The following PPFIA2 variants were observed in gnomAD, a reference collection of about 807,000 sequenced individuals.
The protein encoded by PPFIA2 is PPFI scaffold protein A2.
A neutral mutation model predicts 175.5 loss-of-function variants in PPFIA2; 46 were observed. The ratio of observed to expected loss-of-function variants is 0.26; its 90% confidence interval spans 0.21 to 0.34. The LOEUF is 0.34. Ranked by LOEUF, PPFIA2 falls within the 10% of genes least tolerant of loss-of-function variation. The probability of loss-of-function intolerance (pLI) is 1.00; values close to 1 mark genes in which losing one functional copy is unlikely to be tolerated. For synonymous variants in PPFIA2, 568 were observed against 511.4 expected (o/e 1.11, Z -1.49); for missense variants, 1,179 against 1,506.1 (o/e 0.78, Z 3.60).
intron 4 of PPFIA2, among the ~76,000 whole-genome samples, chr12:81,645,893 A>T (rs1194347374): frequency 6.6e-6 from 1 of 152,226 alleles, no homozygotes; most frequent in Non-Finnish European, 1.5e-5. Flanking sequence ...TCCTGGAGAC[A>T]GGTAGGAAAA....
At chr12:81,737,157 T>C (rs2081692179) in intron 3 of PPFIA2, among the ~76,000 whole-genome samples, 1 of 151,946 alleles carries the variant, frequency 6.6e-6, no homozygotes, top group African/African-American at 2.4e-5. Flanking sequence ...GTTTGGGATC[T>C]AGGGAAAACT....
At chr12:81,675,334 T>C (rs1475776962) in intron 4 of PPFIA2, among the ~76,000 whole-genome samples, 1 of 152,006 alleles carries the variant, frequency 6.6e-6, no homozygotes, top group Non-Finnish European at 1.5e-5. Flanking sequence ...TTCCTTTCTG[T>C]GACCTTTATT....
At chr12:81,285,629 C>T (rs765561887) in intron 24 of PPFIA2, among the ~76,000 whole-genome samples, 10 of 152,002 alleles carry the variant, frequency 6.6e-5, no homozygotes, top group Non-Finnish European at 1.2e-4. Context: ...CTAGTGATAT[C>T]AGAGCCATTA....
At chr12:81,727,938 T>C (rs2080309174) in intron 3 of PPFIA2, among the ~76,000 whole-genome samples, 1 of 151,434 alleles carries the variant, frequency 6.6e-6, no homozygotes, top group Admixed American at 6.6e-5. Flanking sequence ...TATTTCTATT[T>C]CACGGGTTTA....
intron 7 of PPFIA2, among the ~76,000 whole-genome samples, chr12:81,409,743 C>G (rs934955500): frequency 2.0e-5 from 3 of 152,154 alleles, no homozygotes; most frequent in Non-Finnish European, 2.9e-5. Context: ...GGAGGAACCA[C>G]TTATGTACAA....
chr12:81,739,242 C>A (rs573216649), intron 3 of PPFIA2, among the ~76,000 whole-genome samples: 13 of 152,012 alleles, frequency 8.6e-5, no homozygotes, highest in Non-Finnish European at 1.8e-4. Flanking sequence ...TTGACAGTTA[C>A]TAAAACTTAT....
rs185975523 is a variant in PPFIA2, at chr12:81,473,129, C to T, written c.304-15263G>A. 2.7e-3 allele frequency among the ~76,000 whole-genome samples: 405 copies of T among 152,122 alleles called. 1 individual carries two copies. Among genetic ancestry groups the T allele is most frequent in the African/African-American group, 8.5e-3 (352 of 41,524 alleles). ...ATGTACATAAAACTGCATGTAGGGC[C>T]GGGTGCGGTGACTCACGCCTGTAAT... On this transcript the variant is annotated intron_variant, in intron 4 of 32. Coordinates refer to ENST00000549396, the MANE Select transcript of PPFIA2 (RefSeq NM_003625.5).
At position 81,595,488 on chromosome 12, in the gene PPFIA2, G is replaced by A. The variant is rs572853347; in HGVS notation, c.303+81303C>T. Among the ~76,000 whole-genome samples the A allele has an allele frequency of 5.9e-5, 9 of 152,100 alleles. No individual in the cohort carries two copies. The East Asian group carries it at 1.7e-3, about 29-fold the overall frequency. ...GACATACAGTGCAAATTGAGTGCTG[G>A]CATCATCCAGGGTCCAGGCACCTCT... On this transcript the variant is annotated intron_variant, in intron 4 of 32. Transcript: ENST00000549396.
intron 4 of PPFIA2, among the ~76,000 whole-genome samples, chr12:81,587,450 A>G (rs4430586): frequency 0.37 from 56,130 of 151,830 alleles, 10,835 homozygotes; most frequent in Middle Eastern, 0.44. Context: ...TTAATTAAAC[A>G]TCTTTTATTT....
intron 8 of PPFIA2, among the ~76,000 whole-genome samples, chr12:81,392,251 G>T (rs533235399): frequency 6.6e-6 from 1 of 151,942 alleles, no homozygotes; most frequent in Admixed American, 6.6e-5. Context: ...TGTAGTCTTC[G>T]ATTAGAAAGA....
chr12:81,348,133 CT>C (rs1042492668), intron 17 of PPFIA2, among the ~76,000 whole-genome samples: 2 of 152,070 alleles, frequency 1.3e-5, no homozygotes, highest in Admixed American at 6.5e-5. Flanking sequence ...CTAAAAGAGA[CT>C]TTAGAAACTC....
intron 3 of PPFIA2, among the ~76,000 whole-genome samples, chr12:81,691,312 T>A (rs746290864): frequency 3.9e-5 from 6 of 152,168 alleles, no homozygotes; most frequent in Non-Finnish European, 8.8e-5. Flanking sequence ...TCTTTCCACA[T>A]AAATCCTAAC....
intron 3 of PPFIA2, among the ~76,000 whole-genome samples, chr12:81,687,904 G>A (rs2074667226): frequency 6.6e-6 from 1 of 151,762 alleles, no homozygotes; most frequent in South Asian, 2.1e-4. Context: ...ATAGGCTATG[G>A]ATACAGATTA....
At chr12:81,642,697 C>CACGT (rs1567686934) in intron 4 of PPFIA2, among the ~76,000 whole-genome samples, 9 of 6,732 alleles carry the variant, frequency 1.3e-3, no homozygotes, top group African/African-American at 2.4e-3. Flanking sequence ...TATATACATA[C>CACGT]ATGTATATGT....
chr12:81,493,240 A>C (rs544378763), intron 4 of PPFIA2, among the ~76,000 whole-genome samples: 1 of 152,186 alleles, frequency 6.6e-6, no homozygotes, highest in African/African-American at 2.4e-5. Flanking sequence ...CTAATATAGA[A>C]GTCATCATTT....
intron 4 of PPFIA2, among the ~76,000 whole-genome samples, chr12:81,665,657 A>G (rs1405718937): frequency 2.0e-5 from 3 of 152,044 alleles, no homozygotes; most frequent in African/African-American, 7.3e-5. Flanking sequence ...TTGCTGGCTC[A>G]TTAAATAGAA....
At chr12:81,474,743 A>G (rs949912810) in intron 4 of PPFIA2, among the ~76,000 whole-genome samples, 8 of 152,180 alleles carry the variant, frequency 5.3e-5, no homozygotes, top group African/African-American at 1.9e-4. Flanking sequence ...ACACTTCATA[A>G]GCAAAAATTG....
At chr12:81,298,399 C>G (rs539356865) in intron 23 of PPFIA2, 5 of 152,240 alleles carry the variant, frequency 3.3e-5, no homozygotes, top group African/African-American at 9.6e-5. Context: ...CTAAAATGGG[C>G]TTTAATGTTT....
intron 28 of PPFIA2, among the ~76,000 whole-genome samples, chr12:81,268,530 C>A (rs2038118296): frequency 6.6e-6 from 1 of 152,226 alleles, no homozygotes; most frequent in Non-Finnish European, 1.5e-5. Flanking sequence ...TCTAATCCAT[C>A]TGGCTCCCTT....
Sources: allele counts gnomAD v4.1 joint callset (sites outside exome capture counted in the v4.1 genomes callset), GRCh38; gene constraint gnomAD v4.1.1; transcripts MANE v1.5; gene names NCBI Gene and HGNC (gene_info 2026-07-23, HGNC 2026-07-21).